Variants in DNER observed in about 807,000 individuals in gnomAD.
DNER encodes delta/notch like EGF repeat containing, also known as delta and Notch-like epidermal growth factor-related receptor.
In DNER, 33 loss-of-function variants were observed where a neutral mutation model predicts 78.2. The observed-to-expected ratio is 0.42, with a 90% CI of 0.32 to 0.56. The LOEUF is 0.56. Among genes scored for constraint, DNER ranks in the 20% least tolerant of loss-of-function variants. The pLI, the probability that DNER is intolerant of heterozygous loss-of-function variation, is 0.11. For synonymous variants in DNER, 417 were observed against 384.8 expected (o/e 1.08, Z -0.98); for missense variants, 918 against 975.3 (o/e 0.94, Z 0.78).
chr2:229,518,767 T>G (rs1438732720), intron 5 of DNER, among the ~76,000 whole-genome samples: 2 of 152,180 alleles, frequency 1.3e-5, no homozygotes, highest in Non-Finnish European at 2.9e-5. Context: ...ATAAGAAATA[T>G]CCCTGTTAAA....
At chr2:229,407,817 T>C (rs1693420769) in intron 9 of DNER, among the ~76,000 whole-genome samples, 1 of 152,224 alleles carries the variant, frequency 6.6e-6, no homozygotes, top group Non-Finnish European at 1.5e-5. Context: ...CGTGTGATAC[T>C]TAGACTTCAT....
At chr2:229,616,376 A>G (rs1698163230) in intron 1 of DNER, among the ~76,000 whole-genome samples, 1 of 151,188 alleles carries the variant, frequency 6.6e-6, no homozygotes, top group Non-Finnish European at 1.5e-5. Flanking sequence ...TTTTTTTCTC[A>G]TTGGCCAACT....
At chr2:229,573,426 T>C (rs887015644) in intron 4 of DNER, among the ~76,000 whole-genome samples, 3 of 152,208 alleles carry the variant, frequency 2.0e-5, no homozygotes, top group African/African-American at 7.2e-5. Flanking sequence ...TGGTCCATTT[T>C]CTTGATGCTC....
intron 8 of DNER, among the ~76,000 whole-genome samples, chr2:229,428,669 T>C (rs1693935515): frequency 8.1e-6 from 1 of 123,166 alleles, no homozygotes; most frequent in Admixed American, 8.1e-5. Flanking sequence ...CGGAAGTGAT[T>C]TGAAAAAAAA....
At chr2:229,701,003 A>G (rs1699737863) in intron 1 of DNER, among the ~76,000 whole-genome samples, 1 of 152,262 alleles carries the variant, frequency 6.6e-6, no homozygotes, top group South Asian at 2.1e-4. Context: ...TTGCATGCAT[A>G]TAAAAGTATT....
chr2:229,699,679 C>G (rs1032968601), intron 1 of DNER, among the ~76,000 whole-genome samples: 2 of 152,064 alleles, frequency 1.3e-5, no homozygotes, highest in African/African-American at 4.8e-5. Flanking sequence ...ATTGTACATT[C>G]TAAAGAAATA....
intron 7 of DNER, 60 bp downstream of exon 7, chr2:229,477,080 C>T (rs1695052378): frequency 7.4e-7 from 1 of 1,350,610 alleles, no homozygotes; most frequent in Admixed American, 1.9e-5. Flanking sequence ...TAAGGCTGAT[C>T]AAATTAGTTT....
intron 1 of DNER, among the ~76,000 whole-genome samples, chr2:229,641,733 A>G (rs572451485): frequency 2.0e-5 from 3 of 152,340 alleles, no homozygotes; most frequent in African/African-American, 2.4e-5. Flanking sequence ...AATAAAAATC[A>G]AAAAGGAAAA....
At chr2:229,550,626 A>C (rs1337160292) in intron 4 of DNER, among the ~76,000 whole-genome samples, 2 of 152,086 alleles carry the variant, frequency 1.3e-5, no homozygotes, top group African/African-American at 4.8e-5. Context: ...ATACAAAAAA[A>C]TTAGCCAGGC....
intron 1 of DNER, among the ~76,000 whole-genome samples, chr2:229,621,569 T>G (rs977789597): frequency 1.4e-5 from 2 of 141,074 alleles, no homozygotes; most frequent in Admixed American, 7.0e-5. Flanking sequence ...TGCCCTTTGG[T>G]TTTTTTTTTA....
At chr2:229,689,911 A>G (rs1559210512) in intron 1 of DNER, among the ~76,000 whole-genome samples, 1 of 152,212 alleles carries the variant, frequency 6.6e-6, no homozygotes, top group Non-Finnish European at 1.5e-5. Context: ...ATAACAACCT[A>G]GCACCCAAGG....
At chr2:229,587,800 A>G (rs563740063) in intron 3 of DNER, among the ~76,000 whole-genome samples, 1 of 152,244 alleles carries the variant, frequency 6.6e-6, no homozygotes, top group East Asian at 1.9e-4. Context: ...TGAGCCTCAT[A>G]TAAAGCACCA....
chr2:229,514,420 G>A (rs900149035), intron 5 of DNER, among the ~76,000 whole-genome samples: 1 of 152,136 alleles, frequency 6.6e-6, no homozygotes, highest in African/African-American at 2.4e-5. Context: ...TGGCCTCAGA[G>A]GGATGCTTGT....
chr2:229,457,580 A>G (rs1407316287), intron 7 of DNER, among the ~76,000 whole-genome samples: 1 of 151,992 alleles, frequency 6.6e-6, no homozygotes, highest in Non-Finnish European at 1.5e-5. Flanking sequence ...AGAAAATAGT[A>G]TCTTTTTAAA....
At chr2:229,452,846 T>TGAAA (rs1694490193) in intron 7 of DNER, among the ~76,000 whole-genome samples, 1 of 152,076 alleles carries the variant, frequency 6.6e-6, no homozygotes, top group Non-Finnish European at 1.5e-5. Flanking sequence ...CAGGCTGGTC[T>TGAAA]TGAACTCCTG....
chr2:229,497,908 T>C (rs1287437010), intron 6 of DNER, among the ~76,000 whole-genome samples: 3 of 152,100 alleles, frequency 2.0e-5, no homozygotes, highest in Non-Finnish European at 4.4e-5. Context: ...CCAATTTTTC[T>C]CAAACTCTTC....
At chr2:229,545,734 A>C (rs1452507069) in intron 5 of DNER, among the ~76,000 whole-genome samples, 1 of 152,242 alleles carries the variant, frequency 6.6e-6, no homozygotes, top group East Asian at 1.9e-4. Context: ...TGCCCTGGCC[A>C]CATCTGCTGA....
At chr2:229,564,887 A>G (rs1048694640) in intron 4 of DNER, among the ~76,000 whole-genome samples, 4 of 152,150 alleles carry the variant, frequency 2.6e-5, no homozygotes, top group Non-Finnish European at 4.4e-5. Context: ...TGGGAAGTAC[A>G]AGTAGATTGA....
At position 229,366,834 on chromosome 2, in the gene DNER, T is replaced by C. The variant is rs1692358023; in HGVS notation, c.2102+39A>G. 14 of 1,611,796 alleles carry C rather than the reference T, an allele frequency of 8.7e-6. No homozygotes were observed. In the South Asian group the frequency reaches 1.1e-4, roughly 13 times the overall value. ...ATGACCCTGTTCCCAAGAATGCACA[T>C]GTGAAGGCAGCATTCCCCACGCCGC... is the stretch of plus-strand genomic sequence containing the variant. On this transcript the variant is annotated intron_variant, in intron 12 of 12. Transcript: ENST00000341772.
Sources: gnomAD v4.1 joint callset for allele counts (sites outside exome capture counted in the v4.1 genomes callset) on GRCh38, gnomAD v4.1.1 for gene constraint, MANE v1.5 for transcripts, NCBI Gene and HGNC (gene_info 2026-07-23, HGNC 2026-07-21) for gene names.